MALRD1: variants seen among roughly 807,000 people sequenced by gnomAD.
MALRD1 encodes the protein MAM and LDL-receptor class A domain-containing protein 1.
A neutral mutation model predicts 242.1 loss-of-function variants in MALRD1; 247 were observed. The observed-to-expected ratio is 1.02, with a 90% CI of 0.92 to 1.13. The LOEUF (loss-of-function observed/expected upper bound fraction) is 1.13, where lower values mean the gene tolerates loss of function less well. Ranked by LOEUF, MALRD1 falls within the 50% of genes most tolerant of loss-of-function variation. The pLI is 0.00. For synonymous variants in MALRD1, 995 were observed against 866.6 expected (o/e 1.15, Z -2.60); for missense variants, 2,989 against 2,533.1 (o/e 1.18, Z -3.86).
intron 2 of MALRD1, among the ~76,000 whole-genome samples, chr10:19,079,985 G>A (rs1835432628): frequency 6.6e-6 from 1 of 151,978 alleles, no homozygotes; most frequent in Admixed American, 6.6e-5. Context: ...CTGGCAAGTA[G>A]AGAACCAAAT....
At chr10:19,110,448 A>G (rs1345469660) in intron 5 of MALRD1, among the ~76,000 whole-genome samples, 3 of 152,230 alleles carry the variant, frequency 2.0e-5, no homozygotes, top group South Asian at 2.1e-4. Flanking sequence ...CAATTGAAAT[A>G]GAGAACTTTA....
chr10:19,658,356 GA>G (rs369249913), intron 36 of MALRD1, among the ~76,000 whole-genome samples: 1 of 151,970 alleles, frequency 6.6e-6, no homozygotes, highest in Non-Finnish European at 1.5e-5. Flanking sequence ...TCTGAGATCT[GA>G]AAAAAATAAT....
chr10:19,155,422 C>A (rs1834107799), intron 12 of MALRD1, among the ~76,000 whole-genome samples: 1 of 152,122 alleles, frequency 6.6e-6, no homozygotes, highest in Non-Finnish European at 1.5e-5. Context: ...ACAGTCATTT[C>A]AATAATCTAA....
At chr10:19,602,153 T>C (rs913901864) in intron 34 of MALRD1, among the ~76,000 whole-genome samples, 9 of 108,140 alleles carry the variant, frequency 8.3e-5, no homozygotes, top group Non-Finnish European at 1.5e-4. Flanking sequence ...GTGCCAATTT[T>C]CTTTTTTTTT....
Position 19,324,098 on chromosome 10 carries a change from C to T in MALRD1, c.3569C>T (p.Ser1190Phe), listed in dbSNP as rs559660930. ...CATATGAATGGGGCCACCGTTGGTT[C>T]TCTCCAGGTACTGCTTAGGCAATCA... Reference protein sequence around the residue: ...WTHMNGATVGSLQVLIKKDNV... With the variant: ...WTHMNGATVGFLQVLIKKDNV... Residue 1190 changes from serine (S) to phenylalanine (F), a missense_variant, in exon 22 of 40, where the codon TCT (serine) becomes TTT (phenylalanine). Transcript: ENST00000454679. 7.1e-4 allele frequency: 1,094 copies of T among 1,550,182 alleles called. 14 individuals carry two copies. The South Asian group carries it at 0.01, about 14-fold the overall frequency.
intron 19 of MALRD1, among the ~76,000 whole-genome samples, chr10:19,272,675 C>T (rs753135064): frequency 5.3e-5 from 8 of 152,004 alleles, no homozygotes; most frequent in Non-Finnish European, 1.0e-4. Context: ...TAATGCTATC[C>T]CTCCCCTTGC....
chr10:19,535,457 A>C (rs956991879), intron 32 of MALRD1, among the ~76,000 whole-genome samples: 3 of 151,148 alleles, frequency 2.0e-5, no homozygotes, highest in Admixed American at 6.6e-5. Context: ...TATTTCCCTC[A>C]TAAATATATG....
intron 36 of MALRD1, among the ~76,000 whole-genome samples, chr10:19,663,114 A>G (rs1445528431): frequency 1.3e-5 from 2 of 152,024 alleles, no homozygotes; most frequent in African/African-American, 4.8e-5. Context: ...TTTTAGTTTA[A>G]CCGTCACCCA....
At chr10:19,066,507 T>C (rs1834984259) in intron 1 of MALRD1, among the ~76,000 whole-genome samples, 1 of 152,198 alleles carries the variant, frequency 6.6e-6, no homozygotes, top group Non-Finnish European at 1.5e-5. Flanking sequence ...TGGCATTTTT[T>C]CTATTAGAAC....
chr10:19,230,684 T>C (rs1267504006), intron 18 of MALRD1, among the ~76,000 whole-genome samples: 5 of 152,286 alleles, frequency 3.3e-5, no homozygotes. Flanking sequence ...TCTTTAGCTG[T>C]TCCAGGTTCT....
Position 19,607,083 on chromosome 10 carries a change from G to A in MALRD1, c.5945-694G>A, listed in dbSNP as rs554196434. Among the ~76,000 whole-genome samples, 45 of 152,206 alleles carry A rather than the reference G, an allele frequency of 3.0e-4. No individual in the cohort carries two copies. The South Asian group carries it at 3.7e-3, about 13-fold the overall frequency. Reference sequence around the variant, plus strand: ...ATGGACATCAATAAGGACACTTTTCGAAACAACCAAAGTCTTATGAGTATT... The same window carrying A: ...ATGGACATCAATAAGGACACTTTTCAAAACAACCAAAGTCTTATGAGTATT... On this transcript the variant is annotated intron_variant, in intron 34 of 39. Coordinates refer to ENST00000454679, the MANE Select transcript of MALRD1 (RefSeq NM_001142308.3).
intron 32 of MALRD1, among the ~76,000 whole-genome samples, chr10:19,539,397 G>T (rs930996950): frequency 2.0e-5 from 3 of 152,066 alleles, no homozygotes; most frequent in African/African-American, 7.2e-5. Flanking sequence ...TTGAGGGTTT[G>T]CATTTTCATT....
chr10:19,724,915 A>T (rs1834948173), intron 38 of MALRD1: 1 of 152,204 alleles, frequency 6.6e-6, no homozygotes, highest in Non-Finnish European at 1.5e-5. Flanking sequence ...AATCAGTTGT[A>T]TTACTACATA....
At chr10:19,372,282 T>C (rs998645821) in intron 26 of MALRD1, among the ~76,000 whole-genome samples, 1 of 151,982 alleles carries the variant, frequency 6.6e-6, no homozygotes, top group East Asian at 1.9e-4. Flanking sequence ...GGGAAAGAAA[T>C]AGCATAAGAC....
chr10:19,197,202 G>C (rs1836304096), intron 14 of MALRD1, among the ~76,000 whole-genome samples: 1 of 152,066 alleles, frequency 6.6e-6, no homozygotes, highest in African/African-American at 2.4e-5. Context: ...TCACCCCCAT[G>C]ATCCAATCTT....
rs1289505172 is a variant in MALRD1 at position 19,171,647 on chromosome 10, CATAT to C, written c.1831-3556_1831-3553del. On this transcript the variant is annotated intron_variant, in intron 13 of 39. Coordinates refer to ENST00000454679, the MANE Select transcript of MALRD1 (RefSeq NM_001142308.3). ...ATGTGTGTATATAAATACACACACA[CATAT>C]ATATGTCTATGTGTGTATATAAATA... 5.8e-4 allele frequency among the ~76,000 whole-genome samples: 65 copies of C among 111,774 alleles called. 1 individual carries two copies. Among genetic ancestry groups the C allele is most frequent in the Non-Finnish European group, 7.0e-4 (37 of 52,620 alleles). The allele number at this position is 111,774 out of a possible 152,430, so 73.3% of individuals were successfully genotyped here.
intron 28 of MALRD1, among the ~76,000 whole-genome samples, chr10:19,409,327 C>A (rs1298839003): frequency 1.3e-5 from 2 of 152,140 alleles, no homozygotes; most frequent in Admixed American, 1.3e-4. Context: ...CAGTGGCTTA[C>A]ACCTGTACTC....
At chr10:19,647,495 C>A (rs1840707222) in intron 36 of MALRD1, among the ~76,000 whole-genome samples, 1 of 151,988 alleles carries the variant, frequency 6.6e-6, no homozygotes, top group Non-Finnish European at 1.5e-5. Flanking sequence ...GTAAAGTGAC[C>A]AGTGATTTAT....
intron 5 of MALRD1, among the ~76,000 whole-genome samples, chr10:19,121,372 A>G (rs1837058524): frequency 6.6e-6 from 1 of 152,164 alleles, no homozygotes; most frequent in African/African-American, 2.4e-5. Context: ...TAAAATGGAA[A>G]TGGTTAATGA....
Sources: gnomAD v4.1 joint callset for allele counts (sites outside exome capture counted in the v4.1 genomes callset) on GRCh38, gnomAD v4.1.1 for gene constraint, MANE v1.5 for transcripts, NCBI Gene and HGNC (gene_info 2026-07-23, HGNC 2026-07-21) for gene names.